CDK14: variants seen among roughly 807,000 people sequenced by gnomAD.
CDK14 encodes cyclin dependent kinase 14, also known as cyclin-dependent kinase 14.
Under a neutral mutation model 60.7 loss-of-function variants are expected in CDK14, and 34 were observed. The ratio of observed to expected loss-of-function variants is 0.56; its 90% CI spans 0.43 to 0.75. CDK14 has a LOEUF of 0.75. Ranked by LOEUF, CDK14 falls within the 30% of genes least tolerant of loss-of-function variation. CDK14 has a pLI of 0.00. For synonymous variants in CDK14, 197 were observed against 203.7 expected (o/e 0.97, Z 0.28); for missense variants, 482 against 564.1 (o/e 0.85, Z 1.47).
chr7:91,060,177 C>T (rs1797733288), intron 11 of CDK14, among the ~76,000 whole-genome samples: 1 of 150,720 alleles, frequency 6.6e-6, no homozygotes, highest in African/African-American at 2.4e-5. Context: ...CTCTTTTGAT[C>T]TTTGTTGGTT....
At chr7:90,910,012 A>G (rs1277919158) in intron 7 of CDK14, among the ~76,000 whole-genome samples, 1 of 152,206 alleles carries the variant, frequency 6.6e-6, no homozygotes. Flanking sequence ...TTTAAAATAT[A>G]TATTGCAAAA....
rs866685119 is a variant in CDK14 at position 90,634,969 on chromosome 7, T to C, written c.123+30720T>C. Among the ~76,000 whole-genome samples, 23 of 152,338 alleles carry C rather than the reference T, an allele frequency of 1.5e-4. No homozygotes were observed. The Middle Eastern group carries it at 0.014, about 90-fold the overall frequency. On this transcript the variant is annotated intron_variant, in intron 2 of 14. Transcript: ENST00000380050. ...TCTGTTCATGTCCTTTGCCCACTTT[T>C]TGATGGGGTTGTTTGTTTTTTTCTT...
At chr7:91,197,417 A>G (rs1470716470) in intron 14 of CDK14, among the ~76,000 whole-genome samples, 4 of 151,976 alleles carry the variant, frequency 2.6e-5, no homozygotes, top group East Asian at 3.9e-4. Context: ...AAAAAAAAAA[A>G]AAGTCCCAAA....
chr7:91,020,417 A>G (rs1796403902), intron 10 of CDK14, among the ~76,000 whole-genome samples: 1 of 152,232 alleles, frequency 6.6e-6, no homozygotes, highest in African/African-American at 2.4e-5. Flanking sequence ...ATGAGAATAC[A>G]GCATTGAACA....
Position 90,726,742 on chromosome 7 carries a change from G to A in CDK14, c.299G>A (p.Cys100Tyr). The A allele has an allele frequency of 6.2e-7, 1 of 1,613,804 alleles. No homozygotes were observed. The highest frequency in any genetic ancestry group is 8.5e-7 in the Non-Finnish European group (1 of 1,179,828). Reference sequence around the variant, plus strand: ...AGGGTGCATTCTGAGAACAATGCTTGCATTAACTTTAAGACCTCCTCCACT... The same window carrying A: ...AGGGTGCATTCTGAGAACAATGCTTACATTAACTTTAAGACCTCCTCCACT... Reference protein sequence around the residue: ...VKRVHSENNACINFKTSSTGK... With the variant: ...VKRVHSENNAYINFKTSSTGK... The change falls in exon 3 of 15, where the codon TGC becomes TAC. Residue 100 changes from cysteine to tyrosine, a missense_variant. Cys to Tyr is a radical substitution (Grantham distance 194). Transcript: ENST00000380050.
At chr7:90,645,826 G>A (rs1230280871) in intron 2 of CDK14, among the ~76,000 whole-genome samples, 17 of 152,166 alleles carry the variant, frequency 1.1e-4, no homozygotes, top group Admixed American at 1.0e-3. Flanking sequence ...AAAAAAGAAC[G>A]TTGAAAATGT....
intron 6 of CDK14, among the ~76,000 whole-genome samples, chr7:90,882,341 CAA>C (rs1791788228): frequency 6.7e-6 from 1 of 148,198 alleles, no homozygotes; most frequent in Non-Finnish European, 1.5e-5. Context: ...TTAAAAAAGA[CAA>C]AGAAGAGCAT....
rs1371010281 is a variant in CDK14 at position 90,736,344 on chromosome 7, GTTTTTGTTT to G, written c.369+9538_369+9546del. ...GTGATAAGAAGGGGTACTTTATTAT[GTTTTTGTTT>G]TTTTTTTTTTTTTTTTTTTTTGGTA... is the stretch of plus-strand genomic sequence containing the variant. On this transcript the variant is annotated intron_variant, in intron 3 of 14. Coordinates refer to ENST00000380050, the MANE Select transcript of CDK14 (RefSeq NM_001287135.2). 6.3e-4 allele frequency among the ~76,000 whole-genome samples: 26 copies of G among 41,028 alleles called. 1 individual carries two copies. In the South Asian group the frequency reaches 0.021, roughly 34 times the overall value. The allele number at this position is 41,028 out of a possible 152,430, so 26.9% of individuals were successfully genotyped here. A position where few individuals can be genotyped will look rare whatever the true frequency, so the allele number is the denominator to read the frequency against.
chr7:90,596,658 GAGA>G lies in CDK14; in HGVS notation c.35_37del (p.Lys12del), dbSNP rs1420261238. ...TGACCTCATTGAGCCGCAGCCGGCC[GAGA>G]AGATCGGCAAGATGAAGAAGTTGCG... On this transcript the variant is annotated inframe_deletion, in exon 1 of 15. Transcript: ENST00000380050. 1 of 1,612,084 alleles carries G rather than the reference GAGA, an allele frequency of 6.2e-7. No individual in the cohort carries two copies. The highest frequency in any genetic ancestry group is 8.5e-7 in the Non-Finnish European group (1 of 1,179,430).
chr7:91,003,811 T>G (rs958052963), intron 10 of CDK14, among the ~76,000 whole-genome samples: 3 of 152,158 alleles, frequency 2.0e-5, no homozygotes, highest in African/African-American at 7.2e-5. Flanking sequence ...TCAAGAAAAT[T>G]GATTGTTTAT....
intron 4 of CDK14, among the ~76,000 whole-genome samples, chr7:90,751,358 G>A (rs1028338312): frequency 1.3e-5 from 2 of 152,072 alleles, no homozygotes; most frequent in South Asian, 2.1e-4. Context: ...GGAGAGTTTG[G>A]GGGCCTGTTT....
intron 8 of CDK14, among the ~76,000 whole-genome samples, chr7:90,933,106 A>T (rs1477490719): frequency 6.6e-6 from 1 of 152,056 alleles, no homozygotes; most frequent in Non-Finnish European, 1.5e-5. Context: ...TTGGGCGACT[A>T]AGGCAGGCAG....
intron 7 of CDK14, among the ~76,000 whole-genome samples, chr7:90,900,910 A>G (rs1792485964): frequency 6.6e-6 from 1 of 152,188 alleles, no homozygotes; most frequent in Non-Finnish European, 1.5e-5. Context: ...TGAAAAAAAG[A>G]AAACCTCTTT....
At chr7:90,740,626 T>C (rs1803307483) in intron 3 of CDK14, among the ~76,000 whole-genome samples, 2 of 152,194 alleles carry the variant, frequency 1.3e-5, no homozygotes, top group Admixed American at 6.6e-5. Flanking sequence ...GACTTCTAGC[T>C]TCCAAAACTG....
rs79606926 is a variant in CDK14, at chr7:91,145,516, C to T, written c.*28+27308C>T. 4.2e-3 allele frequency among the ~76,000 whole-genome samples: 639 copies of T among 152,282 alleles called. 4 individuals carry two copies. Among genetic ancestry groups the T allele is most frequent in the African/African-American group, 0.015 (608 of 41,550 alleles). On this transcript the variant is annotated intron_variant, in intron 14 of 14. Coordinates refer to ENST00000380050, the MANE Select transcript of CDK14 (RefSeq NM_001287135.2). ...TGAGTGGGCCCTTCTCCCCTCCACC[C>T]CTTCTCCCTCAAATTGGGTCATTAG...
chr7:90,870,851 A>G (rs1043582637), intron 6 of CDK14, among the ~76,000 whole-genome samples: 3 of 152,234 alleles, frequency 2.0e-5, no homozygotes, highest in Non-Finnish European at 4.4e-5. Context: ...ATTTTTAGAC[A>G]TTAGGGTCTA....
intron 6 of CDK14, among the ~76,000 whole-genome samples, chr7:90,890,915 G>A (rs1326593513): frequency 1.3e-5 from 2 of 152,184 alleles, no homozygotes; most frequent in Non-Finnish European, 2.9e-5. Context: ...AGGATAGTGA[G>A]TTATTTCAAA....
chr7:91,154,655 C>T (rs1023430228), intron 14 of CDK14, among the ~76,000 whole-genome samples: 1 of 152,136 alleles, frequency 6.6e-6, no homozygotes, highest in Non-Finnish European at 1.5e-5. Context: ...GGTCAAATAA[C>T]TTAATCTTTG....
intron 11 of CDK14, among the ~76,000 whole-genome samples, chr7:91,057,880 G>C (rs1797635480): frequency 6.6e-6 from 1 of 152,090 alleles, no homozygotes; most frequent in South Asian, 2.1e-4. Context: ...GATTGACTTG[G>C]CAATGAGGGC....
Sources: allele counts gnomAD v4.1 joint callset (sites outside exome capture counted in the v4.1 genomes callset), GRCh38; gene constraint gnomAD v4.1.1; transcripts MANE v1.5; gene names NCBI Gene and HGNC (gene_info 2026-07-23, HGNC 2026-07-21).